CCDC171: variants seen among roughly 807,000 people sequenced by gnomAD.
CCDC171 encodes the protein coiled-coil domain-containing protein 171.
In CCDC171, 177 loss-of-function variants were observed where a neutral mutation model predicts 168.2. That is an observed-to-expected ratio of 1.05 (90% CI 0.93 to 1.19). CCDC171 has a LOEUF of 1.19. Ranked by LOEUF, CCDC171 falls within the 50% of genes most tolerant of loss-of-function variation. The probability of loss-of-function intolerance (pLI) is 0.00; values close to 1 mark genes in which losing one functional copy is unlikely to be tolerated. For synonymous variants in CCDC171, 687 were observed against 540.8 expected, an observed-to-expected ratio of 1.27 and a Z score of -3.75; for missense variants, 1,991 against 1,539.0, an observed-to-expected ratio of 1.29 and a Z score of -4.91.
chr9:15,990,931 C>T (rs1314421650), intron 3 of CCDC171, among the ~76,000 whole-genome samples: 1 of 152,104 alleles, frequency 6.6e-6, no homozygotes, highest in Non-Finnish European at 1.5e-5. Context: ...TAAAGCAAGT[C>T]CTTAGAGACC....
intron 16 of CCDC171, among the ~76,000 whole-genome samples, chr9:15,737,808 T>C (rs530375643): frequency 6.6e-6 from 1 of 152,192 alleles, no homozygotes; most frequent in Non-Finnish European, 1.5e-5. Flanking sequence ...GAAGACTAGA[T>C]AATAGGATTG....
At chr9:15,949,529 G>T (rs1260684269) in intron 25 of CCDC171, among the ~76,000 whole-genome samples, 5 of 151,656 alleles carry the variant, frequency 3.3e-5, no homozygotes, top group Admixed American at 3.3e-4. Flanking sequence ...CCTTGAAGAG[G>T]TCCTTCACAT....
At chr9:15,868,004 T>C (rs1266553500) in intron 23 of CCDC171, among the ~76,000 whole-genome samples, 1 of 152,066 alleles carries the variant, frequency 6.6e-6, no homozygotes, top group Non-Finnish European at 1.5e-5. Flanking sequence ...TAATTTGATT[T>C]GAATAGTCAG....
At position 15,632,300 on chromosome 9, in the gene CCDC171, A is replaced by G. The variant is rs1267143962; in HGVS notation, c.822+8887A>G. On this transcript the variant is annotated intron_variant, in intron 7 of 25. Coordinates refer to ENST00000380701, the MANE Select transcript of CCDC171 (RefSeq NM_173550.4). ...TCGTCTCAGCCCAAAATCTCCTTAA[A>G]CTGATAAGCAACTTCAGCAAAGTCT... Among the ~76,000 whole-genome samples, 52 of 151,726 alleles carry G rather than the reference A, an allele frequency of 3.4e-4. No homozygotes were observed. In the South Asian group the frequency reaches 5.3e-3, roughly 15 times the overall value.
intron 1 of CCDC171, among the ~76,000 whole-genome samples, chr9:16,055,195 G>A (rs956414024): frequency 6.6e-6 from 1 of 152,242 alleles, no homozygotes; most frequent in Non-Finnish European, 1.5e-5. Flanking sequence ...AGTAGGGGCA[G>A]AGATTTTTGT....
intron 16 of CCDC171, among the ~76,000 whole-genome samples, chr9:15,733,613 G>A (rs1421840536): frequency 6.7e-6 from 1 of 150,164 alleles, no homozygotes; most frequent in Non-Finnish European, 1.5e-5. Flanking sequence ...AGACTTTCTT[G>A]TCTGTTCCAT....
Position 15,695,246 on chromosome 9 carries a change from C to T in CCDC171, c.1227C>T (p.His409=), listed in dbSNP as rs376647184. The change falls in exon 11 of 26, where the codon CAC becomes CAT. Residue 409 remains histidine, a synonymous_variant. Coordinates refer to ENST00000380701, the MANE Select transcript of CCDC171 (RefSeq NM_173550.4). ...LQEELVMAKK[H]QAFLVETCEN... ...TTCTTAATTAAAAGGCTAAGAAGCA[C>T]CAGGCCTTCCTAGTAGAGACATGTG... 1.2e-6 allele frequency: 2 copies of T among 1,613,474 alleles called. No homozygotes were observed. Among genetic ancestry groups the T allele is most frequent in the Non-Finnish European group, 1.7e-6 (2 of 1,179,482 alleles).
rs551512068 is a variant in CCDC171, at chr9:15,863,468, C to A, written c.3469-11064C>A. 1.1e-4 allele frequency among the ~76,000 whole-genome samples: 16 copies of A among 152,066 alleles called. No homozygotes were observed. The East Asian group carries it at 2.9e-3, about 28-fold the overall frequency. On this transcript the variant is annotated intron_variant, in intron 23 of 25. Coordinates refer to ENST00000380701, the MANE Select transcript of CCDC171 (RefSeq NM_173550.4). ...TCATTCTCCTTCGTTTTTAAGGACA[C>A]TTTTGTCACAAACAGAATTCTTGGT...
exon 4 of CCDC171, chr9:16,020,598 G>A (rs12003987): frequency 2.6e-5 from 4 of 154,228 alleles, no homozygotes; most frequent in South Asian, 2.0e-4. Context: ...GCAGCACTAC[G>A]TTTGCACTTT....
intron 3 of CCDC171, among the ~76,000 whole-genome samples, chr9:16,015,793 C>T (rs1490279733): frequency 3.9e-5 from 6 of 152,184 alleles, no homozygotes; most frequent in African/African-American, 1.2e-4. Context: ...CTTCTCATCT[C>T]TTACAACCAC....
intron 25 of CCDC171, among the ~76,000 whole-genome samples, chr9:15,924,815 T>C (rs1300336647): frequency 6.6e-6 from 1 of 151,600 alleles, no homozygotes; most frequent in Non-Finnish European, 1.5e-5. Context: ...AATAATTTTA[T>C]GCTTGCTCTA....
chr9:15,846,084 T>C (rs1226855407), intron 21 of CCDC171, among the ~76,000 whole-genome samples: 3 of 152,116 alleles, frequency 2.0e-5, no homozygotes, highest in Non-Finnish European at 4.4e-5. Context: ...AGTTAAAACA[T>C]GTTGATCCTA....
Position 15,745,602 on chromosome 9 carries a change from C to G in CCDC171, c.2642C>G (p.Ala881Gly). Residue 881 changes from alanine to glycine, a missense_variant, in exon 18 of 26, where the codon GCT becomes GGT. Coordinates refer to ENST00000380701, the MANE Select transcript of CCDC171 (RefSeq NM_173550.4). ...DLLAAIISSM[A>G]ELQDVIGKAD... ...CTTGCTGCAATAATCAGTTCTATGG[C>G]TGAATTACAAGACGTCATTGGTAAA... The G allele has an allele frequency of 6.4e-7, 1 of 1,567,166 alleles. No individual in the cohort carries two copies. The highest frequency in any genetic ancestry group is 8.6e-7 in the Non-Finnish European group (1 of 1,159,378).
rs146419560 is a variant in CCDC171, at chr9:15,868,679, T to TG, written c.3469-5853_3469-5852insG. On this transcript the variant is annotated intron_variant, in intron 23 of 25. Transcript: ENST00000380701. ...AAGAAAAAAGATAGGGAAATGGAAG[T>TG]ACCAAAATCTTAAGTAATTTCTTCA... is the stretch of plus-strand genomic sequence containing the variant. Among the ~76,000 whole-genome samples, 1,153 of 152,130 alleles carry TG rather than the reference T, an allele frequency of 7.6e-3. 12 individuals carry two copies. The highest frequency in any genetic ancestry group is 0.026 in the African/African-American group (1,093 of 41,534).
At chr9:15,739,193 C>T (rs1171917439) in intron 16 of CCDC171, among the ~76,000 whole-genome samples, 1 of 152,110 alleles carries the variant, frequency 6.6e-6, no homozygotes, top group Non-Finnish European at 1.5e-5. Context: ...TAGACAGAAC[C>T]TGAAATGGGC....
chr9:15,799,017 T>C (rs985912116), intron 21 of CCDC171, among the ~76,000 whole-genome samples: 40 of 151,408 alleles, frequency 2.6e-4, no homozygotes, highest in African/African-American at 9.0e-4. Flanking sequence ...TTGTCATAGA[T>C]TTCAATTTTA....
At chr9:15,721,656 G>C (rs1291576024) in intron 11 of CCDC171, 113 bp from the exon 12 acceptor site, 2 of 428,768 alleles carry the variant, frequency 4.7e-6, no homozygotes, top group Non-Finnish European at 8.4e-6. Context: ...AGTATTAATA[G>C]TTTCATAACG....
At chr9:15,782,560 G>A (rs77165515) in intron 20 of CCDC171, among the ~76,000 whole-genome samples, 155 of 152,284 alleles carry the variant, frequency 1.0e-3, no homozygotes, top group African/African-American at 3.5e-3. Flanking sequence ...AAATGGTGGG[G>A]ATGTTGATGG....
At chr9:15,892,850 G>A (rs1274560982) in intron 24 of CCDC171, among the ~76,000 whole-genome samples, 1 of 152,120 alleles carries the variant, frequency 6.6e-6, no homozygotes, top group East Asian at 1.9e-4. Context: ...TGTGAAAATG[G>A]CCTTACTGTC....
Sources: gnomAD v4.1 joint callset for allele counts (sites outside exome capture counted in the v4.1 genomes callset) on GRCh38, gnomAD v4.1.1 for gene constraint, MANE v1.5 for transcripts, NCBI Gene and HGNC (gene_info 2026-07-23, HGNC 2026-07-21) for gene names.